Variants in SYT1 observed in about 807,000 individuals in gnomAD.
SYT1 encodes the protein synaptotagmin-1.
A neutral mutation model predicts 44.8 loss-of-function variants in SYT1; 8 were observed. The ratio of observed to expected loss-of-function variants is 0.18; its 90% CI spans 0.10 to 0.32. SYT1 has a LOEUF of 0.32. SYT1 is among the 10% of genes least tolerant of loss of function. The probability of loss-of-function intolerance (pLI) is 1.00; values close to 1 mark genes in which losing one functional copy is unlikely to be tolerated. For synonymous variants in SYT1, 154 were observed against 188.8 expected (o/e 0.82, Z 1.51); for missense variants, 286 against 509.3 (o/e 0.56, Z 4.22).
At chr12:79,409,838 G>A (rs1868348505) in intron 9 of SYT1, among the ~76,000 whole-genome samples, 1 of 151,998 alleles carries the variant, frequency 6.6e-6, no homozygotes, top group South Asian at 2.1e-4. Context: ...AGCAAGGAAA[G>A]AATCCTACAG....
intron 3 of SYT1, among the ~76,000 whole-genome samples, chr12:79,088,524 A>G (rs977572817): frequency 2.6e-5 from 4 of 152,100 alleles, no homozygotes; most frequent in African/African-American, 9.7e-5. Flanking sequence ...AATAAAAAGA[A>G]ACGAAGTTGA....
At chr12:79,091,389 C>G (rs1228360114) in intron 3 of SYT1, among the ~76,000 whole-genome samples, 1 of 151,906 alleles carries the variant, frequency 6.6e-6, no homozygotes, top group African/African-American at 2.4e-5. Context: ...TGAGGCTTCT[C>G]TAAAGAAACA....
intron 9 of SYT1, among the ~76,000 whole-genome samples, chr12:79,388,316 TAC>T: frequency 6.6e-6 from 1 of 152,298 alleles, no homozygotes; most frequent in Non-Finnish European, 1.5e-5. Flanking sequence ...TCAACCTATA[TAC>T]ACACAGACTT....
intron 3 of SYT1, among the ~76,000 whole-genome samples, chr12:79,060,666 A>G (rs902133527): frequency 5.3e-5 from 8 of 152,270 alleles, no homozygotes; most frequent in Admixed American, 5.2e-4. Flanking sequence ...AGGCTGAATA[A>G]TATTCCATTG....
At position 79,064,975 on chromosome 12, in the gene SYT1, A is replaced by AGAAAGAAAGAAG. The variant is rs1488347137; in HGVS notation, c.-18+17624_-18+17625insGGAAAGAAAGAA. ...AAGAAAGAAAGAAAGAAAGAAAGAA[A>AGAAAGAAAGAAG]GAAAGAAAGAAAGAAAGAAAGAAAA... is the stretch of plus-strand genomic sequence containing the variant. On this transcript the variant is annotated intron_variant, in intron 3 of 10. Transcript: ENST00000261205. Among the ~76,000 whole-genome samples the AGAAAGAAAGAAG allele has an allele frequency of 1.2e-3, 184 of 149,308 alleles. 2 individuals carry two copies. The highest frequency in any genetic ancestry group is 4.5e-3 in the African/African-American group (176 of 39,486).
At chr12:79,079,772 A>G (rs1014645672) in intron 3 of SYT1, among the ~76,000 whole-genome samples, 35 of 152,254 alleles carry the variant, frequency 2.3e-4, no homozygotes, top group African/African-American at 7.7e-4. Context: ...GACATTGACC[A>G]AAATAAAATA....
intron 2 of SYT1, among the ~76,000 whole-genome samples, chr12:79,000,481 T>A (rs1203143166): frequency 6.6e-6 from 1 of 152,004 alleles, no homozygotes; most frequent in Non-Finnish European, 1.5e-5. Flanking sequence ...GTACTTTTAG[T>A]AGAGACGGGG....
At chr12:79,067,533 A>T (rs1322679742) in intron 3 of SYT1, among the ~76,000 whole-genome samples, 2 of 152,144 alleles carry the variant, frequency 1.3e-5, no homozygotes, top group Non-Finnish European at 2.9e-5. Context: ...TTAGAGAAAA[A>T]TTTCTTCAAA....
At chr12:79,155,743 A>C (rs1482879364) in intron 3 of SYT1, among the ~76,000 whole-genome samples, 2 of 152,232 alleles carry the variant, frequency 1.3e-5, no homozygotes, top group Non-Finnish European at 2.9e-5. Context: ...AAATGGAACA[A>C]ACTTCTCTGA....
At chr12:79,345,399 A>G (rs556174734) in intron 8 of SYT1, among the ~76,000 whole-genome samples, 352 of 152,308 alleles carry the variant, frequency 2.3e-3, no homozygotes, top group Non-Finnish European at 4.1e-3. Flanking sequence ...TCAATGCATT[A>G]TATTTTTACT....
At chr12:79,226,283 C>G (rs1321105124) in intron 4 of SYT1, among the ~76,000 whole-genome samples, 7 of 152,164 alleles carry the variant, frequency 4.6e-5, no homozygotes, top group Non-Finnish European at 1.0e-4. Context: ...ATCTTTTAGC[C>G]TTTCTCACTC....
chr12:79,439,410 A>G (rs562467873), intron 9 of SYT1, among the ~76,000 whole-genome samples: 1 of 152,298 alleles, frequency 6.6e-6, no homozygotes, highest in East Asian at 1.9e-4. Flanking sequence ...ACATGATGAC[A>G]TTCTTCAAAA....
At chr12:79,097,510 G>A (rs1175196622) in intron 3 of SYT1, among the ~76,000 whole-genome samples, 1 of 151,968 alleles carries the variant, frequency 6.6e-6, no homozygotes, top group Admixed American at 6.6e-5. Context: ...AGTTTTTGGA[G>A]GGCCTATAGA....
chr12:79,273,098 AGT>A (rs1186798956), intron 4 of SYT1, among the ~76,000 whole-genome samples: 1 of 150,380 alleles, frequency 6.6e-6, no homozygotes, highest in Non-Finnish European at 1.5e-5. Flanking sequence ...AGAGCAAAAT[AGT>A]GTGTGTTACC....
At chr12:79,234,091 A>G (rs935218858) in intron 4 of SYT1, among the ~76,000 whole-genome samples, 16 of 151,948 alleles carry the variant, frequency 1.1e-4, no homozygotes, top group African/African-American at 3.1e-4. Context: ...CTTTCCTTCT[A>G]ACATTCTTTC....
chr12:79,309,911 T>C (rs532517659), intron 8 of SYT1, among the ~76,000 whole-genome samples: 1 of 152,278 alleles, frequency 6.6e-6, no homozygotes, highest in East Asian at 1.9e-4. Flanking sequence ...AGATTCTGGA[T>C]ATTAGCCCTT....
chr12:79,109,271 G>A (rs1878886017), intron 3 of SYT1, among the ~76,000 whole-genome samples: 1 of 152,170 alleles, frequency 6.6e-6, no homozygotes. Flanking sequence ...TCAAAATATT[G>A]AACTTTATCA....
At chr12:78,994,247 C>A (rs964948195) in intron 2 of SYT1, among the ~76,000 whole-genome samples, 1 of 152,134 alleles carries the variant, frequency 6.6e-6, no homozygotes, top group Non-Finnish European at 1.5e-5. Flanking sequence ...ATTAACAAAG[C>A]ACTTAAGTGA....
chr12:79,443,526 A>G (rs1870544309), intron 9 of SYT1, among the ~76,000 whole-genome samples: 1 of 152,212 alleles, frequency 6.6e-6, no homozygotes, highest in South Asian at 2.1e-4. Context: ...TGTTGAGGCT[A>G]TATTCCTAGG....
Sources: gnomAD v4.1 joint callset for allele counts (sites outside exome capture counted in the v4.1 genomes callset) on GRCh38, gnomAD v4.1.1 for gene constraint, MANE v1.5 for transcripts, NCBI Gene and HGNC (gene_info 2026-07-23, HGNC 2026-07-21) for gene names.